PAK3: variants seen among roughly 807,000 people sequenced by gnomAD.
PAK3 encodes the protein serine/threonine-protein kinase PAK 3.
PAK3 carries 4 observed loss-of-function variants against 41.0 expected under a neutral mutation model. That is an observed-to-expected ratio of 0.10 (90% CI 0.05 to 0.22). PAK3 has a LOEUF of 0.22. PAK3 is among the 10% of genes least tolerant of loss of function. The pLI is 1.00. For missense variants in PAK3, 205 were observed against 409.9 expected, an observed-to-expected ratio of 0.50 and a Z score of 4.32; for synonymous variants, 146 against 139.6, an observed-to-expected ratio of 1.05 and a Z score of -0.32.
At chrX:111,157,741 C>T (rs537582940) in intron 8 of PAK3, among the ~76,000 whole-genome samples, 1 of 106,951 alleles carries the variant, frequency 9.4e-6, no homozygotes, top group South Asian at 4.2e-4. Context: ...GAACAGAGAT[C>T]GTGCCATTGC....
At chrX:111,126,430 A>G (rs1221354693) in intron 5 of PAK3, among the ~76,000 whole-genome samples, 1 of 110,876 alleles carries the variant, frequency 9.0e-6, no homozygotes, top group Non-Finnish European at 1.9e-5. Context: ...TCATGGGGAA[A>G]GAGGGATTAC....
intron 1 of PAK3, among the ~76,000 whole-genome samples, chrX:111,002,868 T>C (rs1374285199): frequency 2.7e-5 from 3 of 111,153 alleles, no homozygotes; most frequent in African/African-American, 9.8e-5. Context: ...GCATCTCCTT[T>C]TGAGTGAAGC....
At chrX:110,991,226 A>G (rs776991681) in intron 1 of PAK3, among the ~76,000 whole-genome samples, 1 of 112,231 alleles carries the variant, frequency 8.9e-6, no homozygotes, top group Admixed American at 9.4e-5. Flanking sequence ...GCCTAATACT[A>G]TAAAATGATC....
intron 5 of PAK3, among the ~76,000 whole-genome samples, chrX:111,140,670 C>T (rs2093858030): frequency 9.0e-6 from 1 of 111,215 alleles, no homozygotes; most frequent in Non-Finnish European, 1.9e-5. Context: ...AAAATGAATC[C>T]TAAATGTGCT....
Position 111,103,226 on chromosome X carries a change from T to C in PAK3, c.-108T>C, listed in dbSNP as rs1487938577. ...CAGCTGGTGTGCCCAGCACTGAGTC[T>C]GTAGGAGCTGAAGCCAGCCCGGACC... On this transcript the variant is annotated 5_prime_UTR_variant, in exon 4 of 18. Coordinates refer to ENST00000372007, the MANE Select transcript of PAK3 (RefSeq NM_002578.5). 2 of 111,983 alleles carry C rather than the reference T, an allele frequency of 1.8e-5. No homozygotes were observed. Among genetic ancestry groups the C allele is most frequent in the Non-Finnish European group, 3.8e-5 (2 of 53,198 alleles). 9.2% of individuals were successfully genotyped at this position (111,983 alleles called of 1,213,427 possible).
At chrX:110,976,867 C>A (rs1222236121) in intron 1 of PAK3, among the ~76,000 whole-genome samples, 1 of 108,292 alleles carries the variant, frequency 9.2e-6, no homozygotes, top group Non-Finnish European at 1.9e-5. Context: ...GACAGAAAAC[C>A]AAACATCACA....
chrX:111,003,880 G>C (rs995133257), intron 1 of PAK3, among the ~76,000 whole-genome samples: 1 of 112,458 alleles, frequency 8.9e-6, no homozygotes, highest in Non-Finnish European at 1.9e-5. Flanking sequence ...CAACGAGACT[G>C]CTTAGCTTAA....
chrX:111,208,434 T>C (rs764718155), intron 16 of PAK3, among the ~76,000 whole-genome samples: 7 of 112,138 alleles, frequency 6.2e-5, no homozygotes, highest in East Asian at 5.6e-4. Context: ...CTGAGCAACT[T>C]CTAGTGCTGC....
intron 1 of PAK3, among the ~76,000 whole-genome samples, chrX:111,007,346 G>A (rs1354953275): frequency 9.0e-6 from 1 of 111,484 alleles, no homozygotes; most frequent in African/African-American, 3.3e-5. Flanking sequence ...ACAAAGGCTT[G>A]CAGCAAATGG....
intron 1 of PAK3, among the ~76,000 whole-genome samples, chrX:111,083,003 T>A (rs1372559057): frequency 8.9e-6 from 1 of 112,536 alleles, no homozygotes; most frequent in East Asian, 2.8e-4. Flanking sequence ...GATTATTATA[T>A]GCAAATTAGT....
chrX:111,131,696 G>A (rs2093720729), intron 5 of PAK3, among the ~76,000 whole-genome samples: 1 of 111,929 alleles, frequency 8.9e-6, no homozygotes, highest in Admixed American at 9.4e-5. Flanking sequence ...AAATTCCTGT[G>A]GGTTCCCTCT....
intron 16 of PAK3, among the ~76,000 whole-genome samples, chrX:111,198,530 A>G (rs1012342188): frequency 5.4e-5 from 6 of 112,125 alleles, no homozygotes; most frequent in Non-Finnish European, 1.1e-4. Context: ...ATCCAATTTC[A>G]ATCTTCTGCA....
chrX:111,218,908 G>A (rs1446541406), intron 17 of PAK3, among the ~76,000 whole-genome samples: 1 of 110,944 alleles, frequency 9.0e-6, no homozygotes, highest in Admixed American at 9.6e-5. Flanking sequence ...ATGGCCAGAC[G>A]TGATTGCTAT....
chrX:111,139,221 T>A (rs998287042), intron 5 of PAK3, among the ~76,000 whole-genome samples: 7 of 111,049 alleles, frequency 6.3e-5, no homozygotes, highest in African/African-American at 2.0e-4. Context: ...GAGTGAAAGA[T>A]GACTCCCAGA....
intron 1 of PAK3, among the ~76,000 whole-genome samples, chrX:111,089,223 G>A (rs749325950): frequency 2.7e-5 from 3 of 111,816 alleles, no homozygotes; most frequent in South Asian, 3.8e-4. Context: ...GGGGGAACTC[G>A]GTGAAAGATA....
intron 1 of PAK3, among the ~76,000 whole-genome samples, chrX:111,000,208 G>T (rs1238318914): frequency 1.8e-5 from 2 of 111,386 alleles, no homozygotes; most frequent in Non-Finnish European, 3.8e-5. Flanking sequence ...AAGGAATATG[G>T]ATGCCTGTTG....
chrX:111,145,467 A>T (rs181598908), intron 6 of PAK3, among the ~76,000 whole-genome samples: 6 of 112,145 alleles, frequency 5.4e-5, no homozygotes, highest in South Asian at 3.8e-4. Context: ...TCTAGTGGTT[A>T]TGTGCAATGC....
chrX:111,024,891 G>A (rs2092246649), intron 1 of PAK3, among the ~76,000 whole-genome samples: 1 of 111,233 alleles, frequency 9.0e-6, no homozygotes, highest in Non-Finnish European at 1.9e-5. Context: ...CAGACCATAT[G>A]ATAGGCCACA....
chrX:111,078,456 T>C (rs776237959), intron 1 of PAK3, among the ~76,000 whole-genome samples: 169 of 111,060 alleles, frequency 1.5e-3, no homozygotes, highest in African/African-American at 5.2e-3. Context: ...GTGATACTAC[T>C]ATTGTAATTG....
Sources: allele counts gnomAD v4.1 joint callset (sites outside exome capture counted in the v4.1 genomes callset), GRCh38; gene constraint gnomAD v4.1.1; transcripts MANE v1.5; gene names NCBI Gene and HGNC (gene_info 2026-07-23, HGNC 2026-07-21).